Variants in SUN3 observed in about 807,000 individuals in gnomAD.
SUN3 encodes Sad1 and UNC84 domain containing 3.
Under a neutral mutation model 48.2 loss-of-function variants are expected in SUN3, and 36 were observed. The observed-to-expected ratio is 0.75, with a 90% CI of 0.57 to 0.99. SUN3 has a LOEUF of 0.99. SUN3 is among the 50% of genes least tolerant of loss of function. The pLI is 0.00. For synonymous variants in SUN3, 148 were observed against 147.9 expected, an observed-to-expected ratio of 1.00 and a Z score of 0.00; for missense variants, 419 against 433.1, an observed-to-expected ratio of 0.97 and a Z score of 0.29.
chr7:48,035,430 C>T, the SUN3 span: 26 of 674,478 alleles, frequency 3.9e-5, no homozygotes, highest in Admixed American at 2.4e-4. The surrounding 1 kb of genome is among the most constrained non-coding windows in gnomAD (Gnocchi z 4.0). Context: ...CCCACCGCTC[C>T]CCCTCAGGCT....
At chr7:48,008,818 C>CT (rs71006542) in intron 4 of SUN3, among the ~76,000 whole-genome samples, 2,788 of 152,158 alleles carry the variant, frequency 0.018, 35 homozygotes, top group Non-Finnish European at 0.029. Flanking sequence ...TTTCTATCTC[C>CT]TTTTTTTCTT....
At chr7:48,001,141 A>C (rs1197312056) in intron 6 of SUN3, among the ~76,000 whole-genome samples, 1 of 152,082 alleles carries the variant, frequency 6.6e-6, no homozygotes, top group East Asian at 1.9e-4. Flanking sequence ...TACACAGAAA[A>C]ACTTGTGTCA....
intron 6 of SUN3, among the ~76,000 whole-genome samples, chr7:48,001,512 T>C (rs1182925577): frequency 1.3e-5 from 2 of 149,314 alleles, no homozygotes; most frequent in Non-Finnish European, 3.0e-5. Context: ...GTTGGTTCCA[T>C]GTCTTTTCTG....
At chr7:48,002,650 T>G (rs1169224499) in intron 6 of SUN3, among the ~76,000 whole-genome samples, 1 of 152,192 alleles carries the variant, frequency 6.6e-6, no homozygotes, top group Non-Finnish European at 1.5e-5. Context: ...GTTGCAGAGT[T>G]TGCAAAAATT....
At chr7:48,031,706 C>T (rs1254637866), upstream of SUN3, among the ~76,000 whole-genome samples, 1 of 151,984 alleles carries the variant, frequency 6.6e-6, no homozygotes, top group Non-Finnish European at 1.5e-5. Flanking sequence ...GTATATATAT[C>T]CAAAGGAAAT....
chr7:48,024,844 C>A (rs1487324691), intron 2 of SUN3, among the ~76,000 whole-genome samples: 2 of 152,090 alleles, frequency 1.3e-5, no homozygotes, highest in African/African-American at 2.4e-5. Flanking sequence ...AGGATGGAAC[C>A]AAGTGATTCA....
At chr7:48,008,061 T>G (rs1217160722) in intron 4 of SUN3, among the ~76,000 whole-genome samples, 1 of 152,130 alleles carries the variant, frequency 6.6e-6, no homozygotes, top group African/African-American at 2.4e-5. Context: ...TGACCTCAAG[T>G]GATCCACCCG....
intron 3 of SUN3, among the ~76,000 whole-genome samples, chr7:48,014,962 A>G (rs554321664): frequency 1.3e-5 from 2 of 152,158 alleles, no homozygotes; most frequent in Non-Finnish European, 2.9e-5. Flanking sequence ...TGTGAGACCA[A>G]CCCACATTGT....
At position 48,007,287 on chromosome 7, in the gene SUN3, G is replaced by T. The variant is rs752255194; in HGVS notation, c.370C>A (p.Leu124Ile). The T allele has an allele frequency of 3.1e-5, 50 of 1,614,002 alleles. No individual in the cohort carries two copies. Among genetic ancestry groups the T allele is most frequent in the Non-Finnish European group, 4.2e-5 (49 of 1,179,966 alleles). ...ACATCTATTTGTTCGATCAAAAATA[G>T]AATTTGACGAAAATTGTTTTCCAGA... is the stretch of plus-strand genomic sequence containing the variant. The part of the protein sequence containing the change: ...QNLENNFRQI[L>I]FLIEQIDVLK... The change falls in exon 5 of 10, where the codon CTA (leucine) becomes ATA (isoleucine). Residue 124 changes from leucine to isoleucine, a missense_variant. Leu to Ile is a conservative substitution (Grantham distance 5). Coordinates refer to ENST00000297325, the MANE Select transcript of SUN3 (RefSeq NM_001030019.2).
chr7:48,010,371 C>A (rs7795264), intron 3 of SUN3, among the ~76,000 whole-genome samples: 13,570 of 152,082 alleles, frequency 0.089, 2,018 homozygotes, highest in African/African-American at 0.31. Context: ...CCAGAGGATT[C>A]CAGGAAAAAT....
chr7:48,021,632 A>T (rs922628933), intron 2 of SUN3, among the ~76,000 whole-genome samples: 4 of 152,180 alleles, frequency 2.6e-5, no homozygotes, highest in African/African-American at 4.8e-5. Context: ...ACATCTCTCA[A>T]AAGAAGACAC....
intron 6 of SUN3, among the ~76,000 whole-genome samples, chr7:47,999,544 T>A (rs1201640698): frequency 1.3e-5 from 2 of 152,248 alleles, no homozygotes; most frequent in Non-Finnish European, 2.9e-5. Flanking sequence ...TATTTTTTAT[T>A]TCTTTTGAAA....
At chr7:48,025,106 C>G (rs1378061989) in intron 2 of SUN3, among the ~76,000 whole-genome samples, 1 of 152,128 alleles carries the variant, frequency 6.6e-6, no homozygotes, top group Non-Finnish European at 1.5e-5. Flanking sequence ...CACATACACA[C>G]TTATGCACAG....
chr7:48,026,211 A>G (rs1164100784), intron 1 of SUN3, among the ~76,000 whole-genome samples: 4 of 152,130 alleles, frequency 2.6e-5, no homozygotes, highest in African/African-American at 9.7e-5. Flanking sequence ...ATGCTAGTAT[A>G]TGTCTATTTA....
At chr7:48,025,838 G>C in intron 2 of SUN3, 39 bp downstream of exon 2, 1 of 1,374,488 alleles carries the variant, frequency 7.3e-7, no homozygotes, top group East Asian at 2.3e-5. Flanking sequence ...GACATAACCT[G>C]TGGAATGGTT....
At chr7:47,988,254 T>G (rs990308078) in intron 9 of SUN3, among the ~76,000 whole-genome samples, 81 of 152,240 alleles carry the variant, frequency 5.3e-4, no homozygotes, top group African/African-American at 1.8e-3. Context: ...CTTCAGTTAC[T>G]CCCTGTGGCT....
In SUN3 at chr7:47,987,432, A is replaced by G. The variant is rs367777858; in HGVS notation, c.972T>C (p.Tyr324=). The G allele has an allele frequency of 1.9e-6, 3 of 1,574,350 alleles. No individual in the cohort carries two copies. Among genetic ancestry groups the G allele is most frequent in the East Asian group, 2.3e-5 (1 of 43,844 alleles). The change falls in exon 10 of 10, where the codon TAT becomes TAC. Residue 324 remains tyrosine, a synonymous_variant. Transcript: ENST00000297325. ...AGATATTAAGTTTCACACATAATAA[A>G]TATTCAGAAACTGCATGCTGAAAAT... ...TFELQHAVSE[Y]LLCVKLNIFS...
intron 8 of SUN3, among the ~76,000 whole-genome samples, chr7:47,992,790 A>G (rs1192669088): frequency 1.3e-5 from 2 of 152,134 alleles, no homozygotes; most frequent in East Asian, 3.8e-4. Flanking sequence ...ATAATGGGGG[A>G]ATATTTGTAC....
At chr7:48,001,525 T>A (rs1052218735) in intron 6 of SUN3, among the ~76,000 whole-genome samples, 1 of 118,570 alleles carries the variant, frequency 8.4e-6, no homozygotes, top group Non-Finnish European at 1.8e-5. Context: ...CTTTTCTGTT[T>A]TTTTTGTTTT....
Sources: gnomAD v4.1 joint callset for allele counts (sites outside exome capture counted in the v4.1 genomes callset) on GRCh38, gnomAD v4.1.1 for gene constraint, Gnocchi (gnomAD v3.1) non-coding constraint, MANE v1.5 for transcripts, NCBI Gene and HGNC (gene_info 2026-07-23, HGNC 2026-07-21) for gene names.